Variants in RBMS1 observed in about 807,000 individuals in gnomAD.
The protein encoded by RBMS1 is RNA-binding motif, single-stranded-interacting protein 1.
In RBMS1, 17 loss-of-function variants were observed where a neutral mutation model predicts 62.3. The ratio of observed to expected loss-of-function variants is 0.27; its 90% CI spans 0.19 to 0.41. RBMS1 has a LOEUF of 0.41. Ranked by LOEUF, RBMS1 falls within the 10% of genes least tolerant of loss-of-function variation. RBMS1 has a pLI of 1.00. For missense variants in RBMS1, 334 were observed against 504.5 expected, an observed-to-expected ratio of 0.66 and a Z score of 3.24; for synonymous variants, 172 against 170.0, an observed-to-expected ratio of 1.01 and a Z score of -0.09.
chr2:160,389,869 A>G lies in RBMS1; in HGVS notation c.76-22478T>C, dbSNP rs540772620. Among the ~76,000 whole-genome samples, 12 of 151,966 alleles carry G rather than the reference A, an allele frequency of 7.9e-5. No individual in the cohort carries two copies. The South Asian group carries it at 2.5e-3, about 32-fold the overall frequency. ...TCTGGTGGGGAGGGGAGGAGAGGAA[A>G]ATTTTACCAAAAACCTGAAGGTTGA... is the stretch of plus-strand genomic sequence containing the variant. On this transcript the variant is annotated intron_variant, in intron 1 of 13. Transcript: ENST00000348849.
chr2:160,477,789 G>A (rs895957783), intron 1 of RBMS1, among the ~76,000 whole-genome samples: 2 of 152,044 alleles, frequency 1.3e-5, no homozygotes, highest in African/African-American at 2.4e-5. Flanking sequence ...ATATCTTTCC[G>A]ATTGAATGTA....
intron 1 of RBMS1, among the ~76,000 whole-genome samples, chr2:160,379,531 T>C (rs573928729): frequency 6.6e-6 from 1 of 152,366 alleles, no homozygotes; most frequent in East Asian, 1.9e-4. Context: ...CTGGCAAGCC[T>C]CATTCCTCTC....
At position 160,286,984 on chromosome 2, in the gene RBMS1, T is replaced by A. The variant is rs202136965; in HGVS notation, c.741A>T (p.Glu247Asp). ...YIPNGRPWHREGEVRLAGMTL... is the reference protein window; with the variant it reads ...YIPNGRPWHRDGEVRLAGMTL... ...AAGGACTTACAAGTCTCACCTCTCC[T>A]TCTCTATGCCATGGTCTTCCATTAG... Residue 247 changes from glutamate (E) to aspartate (D), a missense_variant, in exon 7 of 14, where the codon GAA becomes GAT. Transcript: ENST00000348849. The A allele has an allele frequency of 5.6e-6, 9 of 1,602,392 alleles. No individual in the cohort carries two copies. The highest frequency in any genetic ancestry group is 6.0e-6 in the Non-Finnish European group (7 of 1,173,886).
chr2:160,390,859 A>G (rs1487926576), intron 1 of RBMS1, among the ~76,000 whole-genome samples: 2 of 147,924 alleles, frequency 1.4e-5, no homozygotes, highest in East Asian at 2.0e-4. Flanking sequence ...CTGTAAAGAA[A>G]TATCTTCTAA....
chr2:160,360,649 C>T (rs571502528), intron 2 of RBMS1, among the ~76,000 whole-genome samples: 2 of 152,294 alleles, frequency 1.3e-5, no homozygotes, highest in South Asian at 4.1e-4. Context: ...GGTTCTCACA[C>T]CTCTTGGGCA....
chr2:160,315,526 G>A (rs1013256236), intron 3 of RBMS1, among the ~76,000 whole-genome samples: 2 of 152,140 alleles, frequency 1.3e-5, no homozygotes, highest in Non-Finnish European at 2.9e-5. Context: ...ATCATGGGGC[G>A]AGCTATGTTT....
intron 2 of RBMS1, among the ~76,000 whole-genome samples, chr2:160,325,994 A>C (rs1418621683): frequency 6.6e-6 from 1 of 152,190 alleles, no homozygotes; most frequent in Non-Finnish European, 1.5e-5. Flanking sequence ...CTCTTACATT[A>C]GATAGCTGCC....
intron 2 of RBMS1, among the ~76,000 whole-genome samples, chr2:160,324,882 G>GTATGTA (rs1690808529): frequency 1.0e-5 from 1 of 100,016 alleles, no homozygotes; most frequent in Admixed American, 1.0e-4. Context: ...GTGTGTGTGT[G>GTATGTA]TATATATATA....
chr2:160,459,276 A>T (rs1004782820), intron 1 of RBMS1, among the ~76,000 whole-genome samples: 10 of 152,216 alleles, frequency 6.6e-5, no homozygotes, highest in African/African-American at 2.4e-4. Flanking sequence ...TGGCTTCCCG[A>T]GTACGTGACA....
At chr2:160,421,990 C>T (rs1021317199) in intron 1 of RBMS1, among the ~76,000 whole-genome samples, 21 of 152,112 alleles carry the variant, frequency 1.4e-4, no homozygotes, top group African/African-American at 5.1e-4. Flanking sequence ...TAATGAGTAG[C>T]GGGCAAGGAA....
Position 160,272,897 on chromosome 2 carries a change from T to G in RBMS1, c.*1875A>C, listed in dbSNP as rs1387754111. Reference sequence around the variant, plus strand: ...AAATACAAGCATAAAATTTAAGAACTAAAAAATACTTGAAAGAAATAACTG... The same window carrying G: ...AAATACAAGCATAAAATTTAAGAACGAAAAAATACTTGAAAGAAATAACTG... On this transcript the variant is annotated 3_prime_UTR_variant, in exon 14 of 14. Coordinates refer to ENST00000348849, the MANE Select transcript of RBMS1 (RefSeq NM_016836.4). 1.3e-5 allele frequency: 2 copies of G among 152,140 alleles called. No individual in the cohort carries two copies. Among genetic ancestry groups the G allele is most frequent in the African/African-American group, 4.8e-5 (2 of 41,432 alleles). The allele number at this position is 152,140 out of a possible 1,614,324, so 9.4% of individuals were successfully genotyped here.
intron 2 of RBMS1, among the ~76,000 whole-genome samples, chr2:160,347,424 C>G (rs1204761753): frequency 6.6e-6 from 1 of 152,172 alleles, no homozygotes; most frequent in East Asian, 1.9e-4. Context: ...TTAAACCTTA[C>G]TTTTATCACC....
intron 1 of RBMS1, among the ~76,000 whole-genome samples, chr2:160,436,109 T>C (rs964537471): frequency 6.6e-6 from 1 of 152,170 alleles, no homozygotes; most frequent in African/African-American, 2.4e-5. Flanking sequence ...TGATAGATAA[T>C]CTCCAATGAG....
At chr2:160,397,705 A>C (rs1363109804) in intron 1 of RBMS1, among the ~76,000 whole-genome samples, 1 of 151,790 alleles carries the variant, frequency 6.6e-6, no homozygotes, top group Non-Finnish European at 1.5e-5. Flanking sequence ...CACACACAGG[A>C]CTCCACTGAG....
At chr2:160,478,893 A>C (rs1439726367) in intron 1 of RBMS1, among the ~76,000 whole-genome samples, 1 of 152,248 alleles carries the variant, frequency 6.6e-6, no homozygotes, top group Non-Finnish European at 1.5e-5. Context: ...TGATTCCTGA[A>C]GGCTGCCCAC....
intron 1 of RBMS1, among the ~76,000 whole-genome samples, chr2:160,469,740 T>A (rs764411797): frequency 7.2e-5 from 11 of 152,318 alleles, no homozygotes; most frequent in Admixed American, 1.3e-4. Flanking sequence ...AGAGCTGTCA[T>A]GAGATAACAT....
At chr2:160,276,339 T>C (rs375828113) in intron 12 of RBMS1, among the ~76,000 whole-genome samples, 22 of 150,846 alleles carry the variant, frequency 1.5e-4, no homozygotes, top group South Asian at 6.3e-4. Context: ...AAAATACTAC[T>C]ACCACCACCA....
At chr2:160,338,787 A>G (rs1166976527) in intron 2 of RBMS1, among the ~76,000 whole-genome samples, 1 of 152,242 alleles carries the variant, frequency 6.6e-6, no homozygotes. Context: ...CATAAGACAG[A>G]GAAGACAGGG....
intron 4 of RBMS1, 109 bp downstream of exon 4, chr2:160,313,047 G>T: frequency 9.7e-7 from 1 of 1,026,920 alleles, no homozygotes; most frequent in Non-Finnish European, 1.5e-6. Flanking sequence ...AAGGCGCTGT[G>T]CTGAGTGGGA....
Sources: gnomAD v4.1 joint callset for allele counts (sites outside exome capture counted in the v4.1 genomes callset) on GRCh38, gnomAD v4.1.1 for gene constraint, MANE v1.5 for transcripts, NCBI Gene and HGNC (gene_info 2026-07-23, HGNC 2026-07-21) for gene names.